Variants in STK17B observed in about 807,000 individuals in gnomAD.
STK17B encodes the protein serine/threonine kinase 17b, also known as serine/threonine-protein kinase 17B.
In STK17B, 21 loss-of-function variants were observed where a neutral mutation model predicts 42.0. That is an observed-to-expected ratio of 0.50 (90% CI 0.35 to 0.72). STK17B has a LOEUF of 0.72. Ranked by LOEUF, STK17B falls within the 30% of genes least tolerant of loss-of-function variation. The pLI, the probability that STK17B is intolerant of heterozygous loss-of-function variation, is 0.00. For synonymous variants in STK17B, 143 were observed against 148.4 expected (o/e 0.96, Z 0.26); for missense variants, 349 against 446.0 (o/e 0.78, Z 1.96).
intron 3 of STK17B, chr2:196,154,723 A>G (rs1699716201): frequency 6.6e-6 from 1 of 152,240 alleles, no homozygotes; most frequent in African/African-American, 2.4e-5. Context: ...ATGCCACACT[A>G]CTAAAACAAC....
At chr2:196,145,805 A>G in intron 4 of STK17B, 106 bp downstream of exon 4, 1 of 1,185,800 alleles carries the variant, frequency 8.4e-7, no homozygotes, top group East Asian at 2.6e-5. Flanking sequence ...AGTCTAGAAG[A>G]CCAGGAACCA....
At chr2:196,143,908 G>T (rs1300464805) in intron 4 of STK17B, among the ~76,000 whole-genome samples, 1 of 152,146 alleles carries the variant, frequency 6.6e-6, no homozygotes, top group East Asian at 1.9e-4. Context: ...GAGAAAAGAA[G>T]TTAAATGGAA....
intron 1 of STK17B, among the ~76,000 whole-genome samples, chr2:196,169,938 C>T (rs1270393602): frequency 3.3e-5 from 5 of 151,080 alleles, no homozygotes; most frequent in East Asian, 3.9e-4. Context: ...AAAAATAAAA[C>T]ATCTATTAAT....
Position 196,137,405 on chromosome 2 carries a change from T to C in STK17B, c.*42A>G, listed in dbSNP as rs375829367. On this transcript the variant is annotated 3_prime_UTR_variant, in exon 8 of 8. Transcript: ENST00000263955. ...AATCATAATCTCACTGGAGTGGATA[T>C]AAAATTTCAAATTCAGTCCAAATGA... 296 of 1,584,706 alleles carry C rather than the reference T, an allele frequency of 1.9e-4. No homozygotes were observed. Among genetic ancestry groups the C allele is most frequent in the Admixed American group, 9.3e-4 (52 of 55,942 alleles).
At chr2:196,152,255 C>T (rs565840579) in intron 3 of STK17B, among the ~76,000 whole-genome samples, 5 of 152,242 alleles carry the variant, frequency 3.3e-5, no homozygotes, top group South Asian at 2.1e-4. Flanking sequence ...TACAGGCATG[C>T]GCCAACACGC....
At chr2:196,154,712 T>A (rs923472517) in intron 3 of STK17B, 1 of 152,186 alleles carries the variant, frequency 6.6e-6, no homozygotes, top group Non-Finnish European at 1.5e-5. Flanking sequence ...ATATAAAAAT[T>A]ATGCCACACT....
chr2:196,160,456 T>C (rs1445332444), intron 2 of STK17B, among the ~76,000 whole-genome samples: 1 of 152,208 alleles, frequency 6.6e-6, no homozygotes, highest in Non-Finnish European at 1.5e-5. Context: ...TTTCCTTTAA[T>C]TTGCTAAAGG....
At chr2:196,157,466 T>C (rs1699754917) in intron 2 of STK17B, among the ~76,000 whole-genome samples, 1 of 152,236 alleles carries the variant, frequency 6.6e-6, no homozygotes, top group South Asian at 2.1e-4. Context: ...TTTAATTTTA[T>C]TAGTAATTTT....
At position 196,137,437 on chromosome 2, in the gene STK17B, G is replaced by GAAAA. The variant is rs750599102; in HGVS notation, c.*6_*9dup. 1.9e-6 allele frequency: 3 copies of GAAAA among 1,608,144 alleles called. No individual in the cohort carries two copies. The highest frequency in any genetic ancestry group is 2.5e-6 in the Non-Finnish European group (3 of 1,177,434). ...TCAAATTCAGTCCAAATGAGTCAAA[G>GAAAA]AAAAAAGTGCTAACAGAGCAAATCT... On this transcript the variant is annotated 3_prime_UTR_variant, in exon 8 of 8. Transcript: ENST00000263955.
chr2:196,163,117 T>C (rs146941723), intron 2 of STK17B, 145 bp downstream of exon 2: 1 of 953,194 alleles, frequency 1.0e-6, no homozygotes, highest in African/African-American at 1.7e-5. Flanking sequence ...CAGTTAAGAC[T>C]GGACCCTAGG....
chr2:196,134,315 T>TGGGGGGCGGTG lies in STK17B; in HGVS notation c.*3121_*3131dup, dbSNP rs1166216780. The TGGGGGGCGGTG allele has an allele frequency of 1.3e-5, 2 of 151,608 alleles. No individual in the cohort carries two copies. The highest frequency in any genetic ancestry group is 2.1e-4 in the South Asian group (1 of 4,788). The allele number at this position is 151,608 out of a possible 1,614,324, so 9.4% of individuals were successfully genotyped here. ...GGCCACGACCGGGCTGCATAGAAGGTGGGGGGCGGTGCCAAGCATTACTGC... is the reference window on the plus strand; with the variant it reads ...GGCCACGACCGGGCTGCATAGAAGGTGGGGGGCGGTGGGGGGGCGGTGCCAAGCATTACTGC... On this transcript the variant is annotated 3_prime_UTR_variant, in exon 8 of 8. Transcript: ENST00000263955.
intron 3 of STK17B, among the ~76,000 whole-genome samples, chr2:196,155,073 T>A (rs1440420425): frequency 6.6e-6 from 1 of 152,224 alleles, no homozygotes; most frequent in Non-Finnish European, 1.5e-5. Context: ...AAAGAGGATT[T>A]TATGAAAATA....
At chr2:196,166,800 C>A (rs1170395086) in intron 1 of STK17B, among the ~76,000 whole-genome samples, 2 of 152,090 alleles carry the variant, frequency 1.3e-5, no homozygotes, top group Non-Finnish European at 2.9e-5. Flanking sequence ...TCTCTATAAA[C>A]CTCTAGCTCT....
At chr2:196,167,618 A>G (rs542619421) in intron 1 of STK17B, among the ~76,000 whole-genome samples, 1 of 152,240 alleles carries the variant, frequency 6.6e-6, no homozygotes, top group Non-Finnish European at 1.5e-5. Context: ...GTCATATACT[A>G]TAATGTAATG....
At chr2:196,143,952 A>G (rs1212039156) in intron 4 of STK17B, among the ~76,000 whole-genome samples, 1 of 152,194 alleles carries the variant, frequency 6.6e-6, no homozygotes, top group Non-Finnish European at 1.5e-5. Flanking sequence ...TAATAAAAAG[A>G]CTGCCTCATT....
At chr2:196,141,415 T>A (rs190584347) in intron 5 of STK17B, 118 bp from the exon 6 acceptor site, 430 of 761,686 alleles carry the variant, frequency 5.6e-4, no homozygotes, top group Non-Finnish European at 7.0e-4. Context: ...ATCTCAGCAC[T>A]TTGGGAGGCT....
intron 3 of STK17B, among the ~76,000 whole-genome samples, chr2:196,147,613 T>C (rs1419594300): frequency 6.6e-6 from 1 of 152,158 alleles, no homozygotes; most frequent in Non-Finnish European, 1.5e-5. Flanking sequence ...CTTTCTGACT[T>C]TGCAGAAAAA....
Position 196,146,020 on chromosome 2 carries a change from G to C in STK17B, c.371C>G (p.Pro124Arg), listed in dbSNP as rs1340688049. The part of the protein sequence containing the change: ...AGGEIFSLCL[P>R]ELAEMVSEND... The stretch of plus-strand genomic sequence containing the variant: ...TTCAGAAACCATTTCAGCCAACTCA[G>C]GTAAACACAGGCTGAAAATTTCTCC... The change falls in exon 4 of 8, where the codon CCT (proline) becomes CGT (arginine). Residue 124 changes from proline (P) to arginine (R), a missense_variant. Physicochemically the swap from Pro to Arg is moderately radical, Grantham distance 103. Transcript: ENST00000263955. 6.3e-7 allele frequency: 1 copy of C among 1,596,202 alleles called. No homozygotes were observed. The highest frequency in any genetic ancestry group is 8.5e-7 in the Non-Finnish European group (1 of 1,175,204).
chr2:196,146,558 A>G (rs1233491785), intron 3 of STK17B, among the ~76,000 whole-genome samples: 1 of 152,132 alleles, frequency 6.6e-6, no homozygotes, highest in Non-Finnish European at 1.5e-5. Context: ...TCTGGGTACT[A>G]ATACTTGAAT....
Sources: allele counts gnomAD v4.1 joint callset (sites outside exome capture counted in the v4.1 genomes callset), GRCh38; gene constraint gnomAD v4.1.1; transcripts MANE v1.5; gene names NCBI Gene and HGNC (gene_info 2026-07-23, HGNC 2026-07-21).